Variants in ULK4 observed in about 807,000 individuals in gnomAD.
ULK4 encodes inactive serine/threonine-protein kinase ULK4.
Under a neutral mutation model 160.6 loss-of-function variants are expected in ULK4, and 133 were observed. The observed-to-expected ratio is 0.83, with a 90% CI of 0.72 to 0.96. The LOEUF (loss-of-function observed/expected upper bound fraction) is 0.96, where lower values mean the gene tolerates loss of function less well. Among genes scored for constraint, ULK4 ranks in the 40% least tolerant of loss-of-function variants. The pLI is 0.00. For missense variants in ULK4, 1,580 were observed against 1,499.5 expected (o/e 1.05, Z -0.89); for synonymous variants, 534 against 539.8 (o/e 0.99, Z 0.15).
rs184213561 is a variant in ULK4 at position 41,809,578 on chromosome 3, G to A, written c.1849-9285C>T. Among the ~76,000 whole-genome samples, 193 of 152,156 alleles carry A rather than the reference G, an allele frequency of 1.3e-3. 1 individual carries two copies. The highest frequency in any genetic ancestry group is 8.3e-3 in the Admixed American group (126 of 15,268). On this transcript the variant is annotated intron_variant, in intron 19 of 36. Transcript: ENST00000301831. The stretch of plus-strand genomic sequence containing the variant: ...AAGTAAATATAGATAATCAGTTTCC[G>A]CATATCACTGATTCAAAGTGTGTCT...
intron 17 of ULK4, among the ~76,000 whole-genome samples, chr3:41,874,894 T>C (rs1697244045): frequency 1.3e-5 from 2 of 152,158 alleles, no homozygotes; most frequent in Non-Finnish European, 2.9e-5. Context: ...TAATTAGCAG[T>C]CAGGTGCAGT....
chr3:41,923,018 A>G (rs149530630), intron 5 of ULK4, among the ~76,000 whole-genome samples: 8 of 151,638 alleles, frequency 5.3e-5, no homozygotes, highest in African/African-American at 1.9e-4. Flanking sequence ...TTAAAAATAC[A>G]AAAAAATTAG....
intron 22 of ULK4, among the ~76,000 whole-genome samples, chr3:41,729,484 T>C (rs966165298): frequency 1.3e-5 from 2 of 152,178 alleles, no homozygotes; most frequent in African/African-American, 2.4e-5. Flanking sequence ...GAGCGTGTCC[T>C]TCCCTGGGAC....
chr3:41,561,068 C>G (rs1045172115), intron 32 of ULK4, among the ~76,000 whole-genome samples: 1 of 152,158 alleles, frequency 6.6e-6, no homozygotes, highest in Admixed American at 6.5e-5. Flanking sequence ...GAGTTTTTAG[C>G]ATGAAGGACT....
intron 19 of ULK4, among the ~76,000 whole-genome samples, chr3:41,807,627 G>C (rs186309180): frequency 8.5e-5 from 13 of 152,252 alleles, no homozygotes; most frequent in Admixed American, 5.2e-4. Context: ...ACTCAATCTA[G>C]AGCATGAAAA....
At chr3:41,904,784 ATAACT>A (rs1320116691) in intron 12 of ULK4, among the ~76,000 whole-genome samples, 1 of 152,256 alleles carries the variant, frequency 6.6e-6, no homozygotes, top group Non-Finnish European at 1.5e-5. Context: ...TAGCATAAAA[ATAACT>A]TAGAATTAAT....
At chr3:41,916,393 T>A (rs1698965449) in intron 7 of ULK4, among the ~76,000 whole-genome samples, 1 of 152,048 alleles carries the variant, frequency 6.6e-6, no homozygotes, top group Admixed American at 6.6e-5. Flanking sequence ...TCAACTATTT[T>A]GGGGGAGTTT....
At chr3:41,432,782 C>G (rs956345590) in intron 34 of ULK4, among the ~76,000 whole-genome samples, 1 of 152,016 alleles carries the variant, frequency 6.6e-6, no homozygotes, top group Non-Finnish European at 1.5e-5. Flanking sequence ...CAAAGGATAA[C>G]TAGAACCAAT....
chr3:41,692,142 G>A lies in ULK4; in HGVS notation c.2782-10338C>T, dbSNP rs187721961. Among the ~76,000 whole-genome samples, 23 of 151,254 alleles carry A rather than the reference G, an allele frequency of 1.5e-4. No homozygotes were observed. In the East Asian group the frequency reaches 4.1e-3, roughly 27 times the overall value. On this transcript the variant is annotated intron_variant, in intron 27 of 36. Coordinates refer to ENST00000301831, the MANE Select transcript of ULK4 (RefSeq NM_017886.4). The stretch of plus-strand genomic sequence containing the variant: ...AATTTTTTGTATTTTTAGTAGAGAC[G>A]GAGTTTCACCGTGTTAGCCAGGATC...
chr3:41,771,129 G>T (rs1575677843), intron 21 of ULK4, among the ~76,000 whole-genome samples: 1 of 152,146 alleles, frequency 6.6e-6, no homozygotes, highest in East Asian at 1.9e-4. Flanking sequence ...CCATCAAGTA[G>T]TAAGTTTCCC....
chr3:41,832,472 T>C (rs189195136), intron 18 of ULK4, among the ~76,000 whole-genome samples: 1 of 152,360 alleles, frequency 6.6e-6, no homozygotes, highest in Admixed American at 6.5e-5. Context: ...GCAAAAATTT[T>C]CTCCCATTCT....
intron 32 of ULK4, among the ~76,000 whole-genome samples, chr3:41,517,180 C>T (rs1268785283): frequency 3.3e-5 from 5 of 152,058 alleles, no homozygotes; most frequent in African/African-American, 1.2e-4. Context: ...TACCACCATA[C>T]ACCCATCAGA....
At chr3:41,721,362 A>ATATATATATATT (rs1553639902) in intron 22 of ULK4, among the ~76,000 whole-genome samples, 1 of 27,958 alleles carries the variant, frequency 3.6e-5, no homozygotes, top group Non-Finnish European at 5.7e-5. Flanking sequence ...ATATATATAT[A>ATATATATATATT]TTTTTTTTTT....
chr3:41,658,827 G>A (rs2035043063), intron 30 of ULK4, among the ~76,000 whole-genome samples: 2 of 151,416 alleles, frequency 1.3e-5, no homozygotes, highest in Non-Finnish European at 2.9e-5. Context: ...TTCAAATACT[G>A]AAGTTCTGAA....
intron 22 of ULK4, among the ~76,000 whole-genome samples, chr3:41,727,851 G>A (rs1188916766): frequency 6.6e-6 from 1 of 152,216 alleles, no homozygotes; most frequent in African/African-American, 2.4e-5. Flanking sequence ...GGTGGCTTTG[G>A]TTAGTGTGGT....
intron 4 of ULK4, 136 bp downstream of exon 4, chr3:41,935,665 T>C: frequency 1.8e-6 from 2 of 1,141,076 alleles, no homozygotes; most frequent in South Asian, 1.7e-5. Context: ...CCTGCCTCCT[T>C]TTATTTTAAA....
At chr3:41,305,447 C>G (rs973852411) in intron 35 of ULK4, among the ~76,000 whole-genome samples, 4 of 152,256 alleles carry the variant, frequency 2.6e-5, no homozygotes, top group African/African-American at 9.6e-5. Flanking sequence ...GTCTCCAGCC[C>G]CTAACCGCAA....
At chr3:41,793,348 A>T (rs1157282469) in intron 20 of ULK4, among the ~76,000 whole-genome samples, 1 of 152,208 alleles carries the variant, frequency 6.6e-6, no homozygotes, top group Non-Finnish European at 1.5e-5. Context: ...CAAGAAACAG[A>T]CTCACTCAAA....
At chr3:41,710,928 G>A (rs2037074397) in intron 25 of ULK4, among the ~76,000 whole-genome samples, 1 of 152,120 alleles carries the variant, frequency 6.6e-6, no homozygotes, top group Non-Finnish European at 1.5e-5. Context: ...AGTCTCACAG[G>A]AGCTGAAGGG....
Sources: gnomAD v4.1 joint callset for allele counts (sites outside exome capture counted in the v4.1 genomes callset) on GRCh38, gnomAD v4.1.1 for gene constraint, MANE v1.5 for transcripts, NCBI Gene and HGNC (gene_info 2026-07-23, HGNC 2026-07-21) for gene names.